Variants in TSHZ2 observed in about 807,000 individuals in gnomAD.
TSHZ2 encodes the protein teashirt homolog 2.
In TSHZ2, 21 loss-of-function variants were observed where a neutral mutation model predicts 74.4. The observed-to-expected ratio is 0.28, with a 90% CI of 0.20 to 0.41. TSHZ2 has a LOEUF of 0.41. Among genes scored for constraint, TSHZ2 ranks in the 10% least tolerant of loss-of-function variants. The pLI is 1.00. For missense variants in TSHZ2, 1,244 were observed against 1,293.5 expected (o/e 0.96, Z 0.59); for synonymous variants, 540 against 515.3 (o/e 1.05, Z -0.65).
At chr20:53,006,538 AC>A (rs1291406617) in intron 1 of TSHZ2, among the ~76,000 whole-genome samples, 1 of 152,218 alleles carries the variant, frequency 6.6e-6, no homozygotes, top group African/African-American at 2.4e-5. Context: ...TTTAATGTGC[AC>A]CACGGCTACT....
intron 1 of TSHZ2, among the ~76,000 whole-genome samples, chr20:53,007,095 G>A (rs985527243): frequency 2.0e-5 from 3 of 152,146 alleles, no homozygotes; most frequent in Non-Finnish European, 2.9e-5. Context: ...GCTACTGTGA[G>A]GGTGTCTGAC....
At position 53,300,978 on chromosome 20, in the gene TSHZ2, CAG is replaced by C. The variant is rs1991466699; in HGVS notation, c.*8+44410_*8+44411del. 2.0e-5 allele frequency among the ~76,000 whole-genome samples: 3 copies of C among 152,024 alleles called. No homozygotes were observed. The South Asian group carries it at 6.2e-4, about 32-fold the overall frequency. ...TTTCTTTTTTATTTTCTTTTTGAGG[CAG>C]AGTCTCCCTCTGTCACCCAGGCTGG... On this transcript the variant is annotated intron_variant, in intron 2 of 2. Transcript: ENST00000371497.
At chr20:53,312,093 A>T (rs969573194) in intron 2 of TSHZ2, among the ~76,000 whole-genome samples, 3 of 152,190 alleles carry the variant, frequency 2.0e-5, no homozygotes, top group Admixed American at 6.5e-5. Flanking sequence ...AAAAATAAAA[A>T]TTTTTTTAAA....
chr20:53,199,911 A>G (rs1988959887), intron 1 of TSHZ2, among the ~76,000 whole-genome samples: 1 of 152,170 alleles, frequency 6.6e-6, no homozygotes, highest in Non-Finnish European at 1.5e-5. Context: ...GTGAGGAGTA[A>G]ATGTGTATAC....
At chr20:53,039,283 C>T (rs140798837) in intron 1 of TSHZ2, among the ~76,000 whole-genome samples, 1 of 144,104 alleles carries the variant, frequency 6.9e-6, no homozygotes, top group East Asian at 2.2e-4. Flanking sequence ...CTCCCTGTTC[C>T]CAGCCATCCT....
chr20:53,425,461 T>C (rs901941206), intron 2 of TSHZ2, among the ~76,000 whole-genome samples: 21 of 152,192 alleles, frequency 1.4e-4, no homozygotes, highest in Non-Finnish European at 2.1e-4. Context: ...CCTTCTCCAG[T>C]AAACTAAAAA....
intron 1 of TSHZ2, among the ~76,000 whole-genome samples, chr20:53,106,697 A>AT (rs199499312): frequency 0.058 from 5,384 of 93,458 alleles, 327 homozygotes; most frequent in African/African-American, 0.17. Flanking sequence ...CACGCAGGGC[A>AT]TTTTTTTTTG....
chr20:53,071,976 T>C (rs1316213792), intron 1 of TSHZ2, among the ~76,000 whole-genome samples: 1 of 152,146 alleles, frequency 6.6e-6, no homozygotes, highest in Non-Finnish European at 1.5e-5. Flanking sequence ...TCAAAACAGA[T>C]GGGAGCTTTT....
In TSHZ2 at chr20:53,150,743, A is replaced by C. The variant is rs1234938271; in HGVS notation, c.41-102756A>C. Among the ~76,000 whole-genome samples, 4 of 152,044 alleles carry C rather than the reference A, an allele frequency of 2.6e-5. No individual in the cohort carries two copies. In the South Asian group the frequency reaches 8.3e-4, roughly 32 times the overall value. ...GGAAAAGAAAAAGAAGGAGGGAAGA[A>C]AGGAAGGAAGGAGAAGATCTTAAAA... On this transcript the variant is annotated intron_variant, in intron 1 of 2. Transcript: ENST00000371497.
intron 1 of TSHZ2, among the ~76,000 whole-genome samples, chr20:53,210,632 T>TG (rs1228902622): frequency 1.3e-5 from 2 of 151,800 alleles, no homozygotes; most frequent in Non-Finnish European, 2.9e-5. Flanking sequence ...GACTACAGGA[T>TG]GGGGGATATG....
chr20:53,274,480 A>G (rs1391977781), intron 2 of TSHZ2, among the ~76,000 whole-genome samples: 1 of 152,182 alleles, frequency 6.6e-6, no homozygotes, highest in Non-Finnish European at 1.5e-5. Context: ...GATGACATGG[A>G]GGAACACATT....
At chr20:53,344,004 C>T (rs918612011) in intron 2 of TSHZ2, among the ~76,000 whole-genome samples, 4 of 152,184 alleles carry the variant, frequency 2.6e-5, no homozygotes, top group African/African-American at 9.7e-5. Flanking sequence ...AGTATTTCTG[C>T]CAGAGGGTCC....
chr20:53,199,102 C>T (rs1420828762), intron 1 of TSHZ2, among the ~76,000 whole-genome samples: 1 of 152,154 alleles, frequency 6.6e-6, no homozygotes, highest in East Asian at 1.9e-4. Flanking sequence ...TTAAATAAAG[C>T]GTTCTATACA....
chr20:53,342,149 G>A (rs181510832), intron 2 of TSHZ2, among the ~76,000 whole-genome samples: 85 of 152,238 alleles, frequency 5.6e-4, no homozygotes, highest in Non-Finnish European at 8.4e-4. Flanking sequence ...GCACGGATAC[G>A]TTATTATGAA....
At chr20:53,105,984 A>G (rs1054285509) in intron 1 of TSHZ2, among the ~76,000 whole-genome samples, 17 of 152,160 alleles carry the variant, frequency 1.1e-4, no homozygotes, top group Non-Finnish European at 2.9e-5. Flanking sequence ...ATAATTGTAC[A>G]TATTTATGGG....
chr20:53,257,658 A>G (rs1012455433), intron 2 of TSHZ2, among the ~76,000 whole-genome samples: 2 of 152,110 alleles, frequency 1.3e-5, no homozygotes. Context: ...TGATGCCCGC[A>G]TACACTAAGG....
intron 2 of TSHZ2, among the ~76,000 whole-genome samples, chr20:53,473,475 A>T (rs1297993882): frequency 2.1e-5 from 3 of 139,554 alleles, no homozygotes; most frequent in African/African-American, 5.6e-5. Flanking sequence ...ACTAACAAAC[A>T]GAATGGACAT....
intron 2 of TSHZ2, among the ~76,000 whole-genome samples, chr20:53,448,983 A>C (rs372186060): frequency 4.9e-4 from 75 of 152,238 alleles, no homozygotes; most frequent in African/African-American, 1.6e-3. Flanking sequence ...CCCACACACA[A>C]AAAAAAGATG....
chr20:53,322,512 CAAAAAAAA>C (rs1225665371), intron 2 of TSHZ2, among the ~76,000 whole-genome samples: 1 of 136,092 alleles, frequency 7.3e-6, no homozygotes, highest in Non-Finnish European at 1.6e-5. Flanking sequence ...GACCCTGTCT[CAAAAAAAA>C]AAAAGAAAAA....
Sources: gnomAD v4.1 joint callset for allele counts (sites outside exome capture counted in the v4.1 genomes callset) on GRCh38, gnomAD v4.1.1 for gene constraint, MANE v1.5 for transcripts, NCBI Gene and HGNC (gene_info 2026-07-23, HGNC 2026-07-21) for gene names.